Variants in ZNF536 observed in about 807,000 individuals in gnomAD.
ZNF536 encodes the protein zinc finger protein 536.
A neutral mutation model predicts 84.5 loss-of-function variants in ZNF536; 13 were observed. That is an observed-to-expected ratio of 0.15 (90% confidence interval 0.10 to 0.24). The LOEUF (loss-of-function observed/expected upper bound fraction) is 0.24. ZNF536 is among the 10% of genes least tolerant of loss of function. The pLI, the probability that ZNF536 is intolerant of heterozygous loss-of-function variation, is 1.00. For missense variants in ZNF536, 1,536 were observed against 1,747.5 expected, an observed-to-expected ratio of 0.88 and a Z score of 2.16; for synonymous variants, 811 against 742.5, an observed-to-expected ratio of 1.09 and a Z score of -1.50.
chr19:30,422,205 T>C (rs1309316737), intron 1 of ZNF536, among the ~76,000 whole-genome samples: 1 of 152,248 alleles, frequency 6.6e-6, no homozygotes, highest in Non-Finnish European at 1.5e-5. Flanking sequence ...CCTTAGCTAC[T>C]GGAGAGTTTA....
chr19:30,678,330 G>T (rs1487401895), intron 1 of ZNF536, among the ~76,000 whole-genome samples: 3 of 152,128 alleles, frequency 2.0e-5, no homozygotes, highest in African/African-American at 7.2e-5. Context: ...GGTCGGAGAG[G>T]CTCACGGCCT....
chr19:30,382,341 A>T (rs755207425), intron 1 of ZNF536, among the ~76,000 whole-genome samples: 1 of 152,228 alleles, frequency 6.6e-6, no homozygotes, highest in Non-Finnish European at 1.5e-5. Flanking sequence ...CGGCAACTGC[A>T]TGGTCTATCC....
intron 1 of ZNF536, among the ~76,000 whole-genome samples, chr19:30,386,580 G>A (rs967135989): frequency 1.3e-5 from 2 of 152,204 alleles, no homozygotes; most frequent in Admixed American, 6.5e-5. Flanking sequence ...GTCTCAGTAT[G>A]TTCCCCAGGC....
At chr19:30,230,371 G>A (rs1330208261) in intron 1 of ZNF536, among the ~76,000 whole-genome samples, 2 of 152,216 alleles carry the variant, frequency 1.3e-5, no homozygotes, top group Non-Finnish European at 2.9e-5. Flanking sequence ...TGGAGAACCT[G>A]GAGAAAACAC....
chr19:30,360,632 G>A (rs537998135), intron 3 of ZNF536, among the ~76,000 whole-genome samples: 4 of 152,226 alleles, frequency 2.6e-5, no homozygotes, highest in East Asian at 1.9e-4. Flanking sequence ...GGTCTGACGC[G>A]GTCAGAAAGA....
intron 1 of ZNF536, among the ~76,000 whole-genome samples, chr19:30,614,465 G>GGAGA (rs141253341): frequency 6.8e-6 from 1 of 147,878 alleles, no homozygotes; most frequent in Non-Finnish European, 1.5e-5. Flanking sequence ...CGGGGGCGGG[G>GGAGA]GAGAGAGAGA....
intron 2 of ZNF536, among the ~76,000 whole-genome samples, chr19:30,499,307 A>G (rs1000504417): frequency 1.3e-5 from 2 of 152,094 alleles, no homozygotes; most frequent in Non-Finnish European, 2.9e-5. Context: ...CTATGTATCT[A>G]TGTGTGTAAG....
intron 2 of ZNF536, among the ~76,000 whole-genome samples, chr19:30,506,102 G>A (rs992181226): frequency 1.3e-5 from 2 of 151,612 alleles, no homozygotes; most frequent in African/African-American, 4.8e-5. Flanking sequence ...ACAGCAGCAG[G>A]TAGAGTATGA....
At chr19:30,635,774 C>T (rs943736074) in intron 1 of ZNF536, among the ~76,000 whole-genome samples, 1 of 152,224 alleles carries the variant, frequency 6.6e-6, no homozygotes, top group South Asian at 2.1e-4. Flanking sequence ...CATTTCATTA[C>T]GCGACAGCAG....
chr19:30,273,837 A>G (rs1282446231), intron 1 of ZNF536, among the ~76,000 whole-genome samples: 1 of 152,226 alleles, frequency 6.6e-6, no homozygotes, highest in Non-Finnish European at 1.5e-5. Flanking sequence ...GATACACATG[A>G]TGTATGTTCT....
chr19:30,631,885 C>T (rs1256303295), intron 1 of ZNF536, among the ~76,000 whole-genome samples: 1 of 152,228 alleles, frequency 6.6e-6, no homozygotes, highest in Non-Finnish European at 1.5e-5. Flanking sequence ...GAGTCCATTT[C>T]ATTTTCTGAG....
intron 1 of ZNF536, among the ~76,000 whole-genome samples, chr19:30,622,140 C>A (rs2048505445): frequency 6.6e-6 from 1 of 152,192 alleles, no homozygotes. Context: ...GACCCTTAGG[C>A]AGATGGGAAG....
chr19:30,472,422 A>G (rs552235664), intron 2 of ZNF536, among the ~76,000 whole-genome samples: 13 of 152,206 alleles, frequency 8.5e-5, no homozygotes, highest in Non-Finnish European at 1.8e-4. Flanking sequence ...CTGCCTGGGG[A>G]TATTGCCGTG....
At chr19:30,345,247 C>CT (rs1030190947) in intron 2 of ZNF536, among the ~76,000 whole-genome samples, 3 of 152,060 alleles carry the variant, frequency 2.0e-5, no homozygotes, top group East Asian at 3.9e-4. Flanking sequence ...GGGGGCTCCC[C>CT]CCAGCATGAG....
intron 1 of ZNF536, among the ~76,000 whole-genome samples, chr19:30,396,296 A>G (rs1050030436): frequency 1.3e-5 from 2 of 152,196 alleles, no homozygotes; most frequent in Non-Finnish European, 2.9e-5. Flanking sequence ...TTCAAATAAG[A>G]GATCACATGA....
At chr19:30,423,783 A>G (rs1297794225) in intron 1 of ZNF536, among the ~76,000 whole-genome samples, 1 of 151,920 alleles carries the variant, frequency 6.6e-6, no homozygotes. Flanking sequence ...GCTGGCAGTG[A>G]CAGCAGCTGT....
At chr19:30,654,346 A>G (rs1036377944) in intron 1 of ZNF536, among the ~76,000 whole-genome samples, 2 of 152,102 alleles carry the variant, frequency 1.3e-5, no homozygotes, top group Non-Finnish European at 2.9e-5. Flanking sequence ...GCATGAAATC[A>G]TCTGATCATC....
intron 4 of ZNF536, chr19:30,555,344 A>G (rs1009256769): frequency 1.3e-5 from 2 of 152,238 alleles, no homozygotes; most frequent in Admixed American, 1.3e-4. Flanking sequence ...GTGTGCAAAC[A>G]TCTTCGGGTC....
intron 1 of ZNF536, among the ~76,000 whole-genome samples, chr19:30,388,354 G>A (rs1395518315): frequency 3.3e-5 from 5 of 152,278 alleles, no homozygotes; most frequent in Non-Finnish European, 5.9e-5. Flanking sequence ...ATGGATACTC[G>A]GTGGGGTTAG....
Sources: gnomAD v4.1 joint callset for allele counts (sites outside exome capture counted in the v4.1 genomes callset) on GRCh38, gnomAD v4.1.1 for gene constraint, MANE v1.5 for transcripts, NCBI Gene and HGNC (gene_info 2026-07-23, HGNC 2026-07-21) for gene names.